PEBP4: variants seen among roughly 807,000 people sequenced by gnomAD.
The protein encoded by PEBP4 is phosphatidylethanolamine-binding protein 4.
In PEBP4, 22 loss-of-function variants were observed where a neutral mutation model predicts 23.9. The observed-to-expected ratio is 0.92, with a 90% CI of 0.66 to 1.31. The LOEUF (loss-of-function observed/expected upper bound fraction) is 1.31. PEBP4 is among the 40% of genes most tolerant of loss of function. The pLI is 0.00. For synonymous variants in PEBP4, 112 were observed against 99.3 expected (o/e 1.13, Z -0.76); for missense variants, 324 against 281.7 (o/e 1.15, Z -1.07).
chr8:22,939,888 G>T (rs6999825), intron 1 of PEBP4, among the ~76,000 whole-genome samples: 16,756 of 152,204 alleles, frequency 0.11, 1,213 homozygotes, highest in Non-Finnish European at 0.16. Flanking sequence ...GGTAGCCCCA[G>T]CTTGTTGGTC....
intron 4 of PEBP4, among the ~76,000 whole-genome samples, chr8:22,728,993 T>A (rs1156349191): frequency 6.6e-6 from 1 of 152,046 alleles, no homozygotes; most frequent in African/African-American, 2.4e-5. Context: ...GTCCCACCCA[T>A]ATGGTGATGC....
At chr8:22,913,706 C>G (rs1175330520) in intron 3 of PEBP4, among the ~76,000 whole-genome samples, 1 of 152,226 alleles carries the variant, frequency 6.6e-6, no homozygotes, top group Admixed American at 6.5e-5. Context: ...TAACTCCCAC[C>G]ATTCACACCG....
intron 4 of PEBP4, among the ~76,000 whole-genome samples, chr8:22,755,359 G>A (rs909683780): frequency 6.4e-5 from 8 of 125,470 alleles, no homozygotes; most frequent in African/African-American, 1.5e-4. Context: ...TTTTTGAGAC[G>A]GAGTCATGCT....
At chr8:22,851,361 C>A (rs1398571859) in intron 3 of PEBP4, among the ~76,000 whole-genome samples, 1 of 152,116 alleles carries the variant, frequency 6.6e-6, no homozygotes, top group South Asian at 2.1e-4. Flanking sequence ...CCTTCTGAGT[C>A]GATTCTTGAG....
rs544228968 is a variant in PEBP4 at position 22,865,700 on chromosome 8, G to A, written c.259-47965C>T. ...CCGTTCCAGCCACCTCCCGCCGCCC[G>A]GATCCCAGAGGAAAGGGGAGAGGAA... is the stretch of plus-strand genomic sequence containing the variant. On this transcript the variant is annotated intron_variant, in intron 3 of 6. Transcript: ENST00000256404. This position sits in a 1 kb window ranked among gnomAD's most constrained non-coding sequence, Gnocchi z 6.9. 6.1e-3 allele frequency among the ~76,000 whole-genome samples: 931 copies of A among 152,172 alleles called. 4 individuals are homozygous for A. Among genetic ancestry groups the A allele is most frequent in the African/African-American group, 0.021 (867 of 41,534 alleles).
intron 3 of PEBP4, among the ~76,000 whole-genome samples, chr8:22,869,532 C>T (rs1167996035): frequency 1.3e-5 from 2 of 152,158 alleles, no homozygotes; most frequent in Non-Finnish European, 1.5e-5. Flanking sequence ...CCATGCTCCC[C>T]CATAGCTGCT....
At chr8:22,854,926 A>ATGTG (rs113480248) in intron 3 of PEBP4, among the ~76,000 whole-genome samples, 5,411 of 133,230 alleles carry the variant, frequency 0.041, 169 homozygotes, top group African/African-American at 0.078. Flanking sequence ...TGAGATTAGA[A>ATGTG]TGTGTGTGTG....
intron 4 of PEBP4, among the ~76,000 whole-genome samples, chr8:22,814,283 TA>T (rs1337088319): frequency 6.6e-6 from 1 of 152,210 alleles, no homozygotes; most frequent in East Asian, 1.9e-4. Context: ...TCCTTGCTCT[TA>T]ACCACTGTGC....
chr8:22,777,503 T>C (rs1231905274), intron 4 of PEBP4, among the ~76,000 whole-genome samples: 1 of 152,040 alleles, frequency 6.6e-6, no homozygotes, highest in African/African-American at 2.4e-5. Context: ...CTGAAGGAAA[T>C]GAGCAGGCTT....
Position 22,713,254 on chromosome 8 carries a change from T to A in PEBP4, c.*116A>T. The A allele has an allele frequency of 2.1e-6, 3 of 1,418,676 alleles. No individual in the cohort carries two copies. Among genetic ancestry groups the A allele is most frequent in the Non-Finnish European group, 2.8e-6 (3 of 1,087,174 alleles). The allele number at this position is 1,418,676 out of a possible 1,614,324, so 87.9% of individuals were successfully genotyped here. A position where few individuals can be genotyped will look rare whatever the true frequency, so the allele number is the denominator to read the frequency against. ...AGCTAGGATACAAAGCACCAAGCCC[T>A]GGATGATTTTTTTTTTATTTGGAAA... On this transcript the variant is annotated 3_prime_UTR_variant, in exon 7 of 7. Coordinates refer to ENST00000256404, the MANE Select transcript of PEBP4 (RefSeq NM_144962.3).
chr8:22,818,881 G>C (rs1308964362), intron 3 of PEBP4, among the ~76,000 whole-genome samples: 1 of 152,148 alleles, frequency 6.6e-6, no homozygotes, highest in Non-Finnish European at 1.5e-5. Flanking sequence ...AGTAAGGAGG[G>C]GGATGGAGAA....
chr8:22,740,552 C>T (rs376982128), intron 4 of PEBP4, among the ~76,000 whole-genome samples: 1 of 152,232 alleles, frequency 6.6e-6, no homozygotes, highest in South Asian at 2.1e-4. Flanking sequence ...GCTCTCCGAA[C>T]CTTCCTGCCC....
intron 4 of PEBP4, among the ~76,000 whole-genome samples, chr8:22,755,460 T>G (rs765723383): frequency 4.0e-5 from 6 of 150,460 alleles, no homozygotes; most frequent in Admixed American, 2.0e-4. Flanking sequence ...CTCAGCCTCC[T>G]GAGTAGCTGG....
intron 5 of PEBP4, among the ~76,000 whole-genome samples, 163 bp downstream of exon 5, chr8:22,727,012 A>G (rs1222123770): frequency 3.3e-5 from 5 of 152,220 alleles, no homozygotes; most frequent in African/African-American, 1.2e-4. Flanking sequence ...GGGGACACTG[A>G]TGGCAGTGAC....
At chr8:22,742,208 T>C (rs982057602) in intron 4 of PEBP4, among the ~76,000 whole-genome samples, 1 of 152,206 alleles carries the variant, frequency 6.6e-6, no homozygotes, top group Non-Finnish European at 1.5e-5. Flanking sequence ...TGCCCTGGCA[T>C]CTGAGGCTGC....
At chr8:22,804,435 G>A (rs767602527) in intron 4 of PEBP4, among the ~76,000 whole-genome samples, 18 of 152,110 alleles carry the variant, frequency 1.2e-4, no homozygotes, top group Non-Finnish European at 2.1e-4. Context: ...ACCGGACATT[G>A]GCGGTTCTCA....
intron 4 of PEBP4, among the ~76,000 whole-genome samples, chr8:22,805,655 T>C (rs542667248): frequency 6.6e-6 from 1 of 152,284 alleles, no homozygotes; most frequent in South Asian, 2.1e-4. Context: ...TCGTCAATTA[T>C]AACAAACATA....
At chr8:22,797,550 G>A (rs1336136048) in intron 4 of PEBP4, among the ~76,000 whole-genome samples, 1 of 152,154 alleles carries the variant, frequency 6.6e-6, no homozygotes, top group African/African-American at 2.4e-5. Flanking sequence ...AGAGAAGAAG[G>A]GAAAGGATAT....
rs1299956408 is a variant in PEBP4, at chr8:22,865,330, T to A, written c.259-47595A>T. Among the ~76,000 whole-genome samples the A allele has an allele frequency of 1.3e-5, 2 of 150,374 alleles. No homozygotes were observed. The highest frequency in any genetic ancestry group is 4.9e-5 in the African/African-American group (2 of 40,804). ...GGATGGGAATTACCCCGGGTCCCCC[T>A]GCGGCGTCTCCCGCTGCCCACCCAC... is the stretch of plus-strand genomic sequence containing the variant. On this transcript the variant is annotated intron_variant, in intron 3 of 6. Transcript: ENST00000256404. This position sits in a 1 kb window ranked among gnomAD's most constrained non-coding sequence, Gnocchi z 6.9.
Sources: gnomAD v4.1 joint callset for allele counts (sites outside exome capture counted in the v4.1 genomes callset) on GRCh38, gnomAD v4.1.1 for gene constraint, Gnocchi (gnomAD v3.1) non-coding constraint, MANE v1.5 for transcripts, NCBI Gene and HGNC (gene_info 2026-07-23, HGNC 2026-07-21) for gene names.